Variants in UNC13C observed in about 807,000 individuals in gnomAD.
The protein encoded by UNC13C is protein unc-13 homolog C.
A neutral mutation model predicts 245.4 loss-of-function variants in UNC13C; 174 were observed. The observed-to-expected ratio is 0.71, with a 90% confidence interval of 0.63 to 0.80. UNC13C has a LOEUF of 0.80. Ranked by LOEUF, UNC13C falls within the 30% of genes least tolerant of loss-of-function variation. The pLI is 0.00. For missense variants in UNC13C, 2,829 were observed against 2,602.9 expected, an observed-to-expected ratio of 1.09 and a Z score of -1.89; for synonymous variants, 992 against 895.1, an observed-to-expected ratio of 1.11 and a Z score of -1.93.
chr15:53,898,892 A>G, the UNC13C span, among the ~76,000 whole-genome samples: 1 of 152,120 alleles, frequency 6.6e-6, no homozygotes, highest in Non-Finnish European at 1.5e-5. Flanking sequence ...GAGTCCCAGA[A>G]CTCATTCATC....
At chr15:54,107,086 A>G (rs902393803) in intron 2 of UNC13C, among the ~76,000 whole-genome samples, 2 of 152,226 alleles carry the variant, frequency 1.3e-5, no homozygotes, top group African/African-American at 4.8e-5. Flanking sequence ...TTTTGTGTAG[A>G]ACCATATCAG....
the UNC13C span, among the ~76,000 whole-genome samples, chr15:53,943,604 C>T: frequency 6.6e-6 from 1 of 152,002 alleles, no homozygotes; most frequent in South Asian, 2.1e-4. Flanking sequence ...ATAATTTTAT[C>T]CATAAAGGGC....
intron 1 of UNC13C, among the ~76,000 whole-genome samples, chr15:54,008,472 T>C (rs1213189796): frequency 6.6e-6 from 1 of 152,182 alleles, no homozygotes; most frequent in Non-Finnish European, 1.5e-5. Flanking sequence ...AACCGCATAG[T>C]CTATTGTTTT....
At chr15:54,096,995 T>C (rs1899903693) in intron 2 of UNC13C, among the ~76,000 whole-genome samples, 1 of 152,194 alleles carries the variant, frequency 6.6e-6, no homozygotes, top group Non-Finnish European at 1.5e-5. Context: ...TATATTCCCA[T>C]ATATTTCTGA....
intron 17 of UNC13C, among the ~76,000 whole-genome samples, chr15:54,387,552 C>A (rs1265075055): frequency 1.3e-5 from 2 of 152,046 alleles, no homozygotes; most frequent in East Asian, 1.9e-4. Flanking sequence ...GGGATCATAA[C>A]CCCACTGATG....
intron 10 of UNC13C, among the ~76,000 whole-genome samples, chr15:54,273,971 G>A (rs1567151603): frequency 6.6e-6 from 1 of 152,156 alleles, no homozygotes; most frequent in Non-Finnish European, 1.5e-5. Flanking sequence ...CCAACACTCT[G>A]TAGATAAATA....
intron 1 of UNC13C, among the ~76,000 whole-genome samples, chr15:53,999,263 T>C (rs1026123946): frequency 2.0e-5 from 3 of 151,874 alleles, no homozygotes; most frequent in African/African-American, 7.2e-5. Flanking sequence ...TATGTATATG[T>C]AAGATATCTA....
chr15:54,138,537 A>G (rs968118078), intron 2 of UNC13C, among the ~76,000 whole-genome samples: 1 of 152,104 alleles, frequency 6.6e-6, no homozygotes, highest in Admixed American at 6.5e-5. Context: ...ATTTTTATTT[A>G]GCCTCTAAAT....
chr15:54,130,287 A>ATTTTTTTTT (rs71824258), intron 2 of UNC13C, among the ~76,000 whole-genome samples: 5 of 81,270 alleles, frequency 6.2e-5, no homozygotes, highest in Non-Finnish European at 1.1e-4. Context: ...TAGATAATTA[A>ATTTTTTTTT]TTTTTTTTTT....
chr15:54,191,402 A>T (rs565445249), intron 4 of UNC13C, among the ~76,000 whole-genome samples: 2 of 152,288 alleles, frequency 1.3e-5, no homozygotes, highest in South Asian at 2.1e-4. Flanking sequence ...ATGGCTGCAT[A>T]GTATTCCAGG....
At chr15:53,956,616 C>CAA in the UNC13C span, among the ~76,000 whole-genome samples, 1 of 101,026 alleles carries the variant, frequency 9.9e-6, no homozygotes, top group African/African-American at 3.6e-5. Context: ...AAGGGAGAAG[C>CAA]TTGATGATTG....
At chr15:54,003,885 C>G (rs1293109113) in intron 1 of UNC13C, among the ~76,000 whole-genome samples, 1 of 152,048 alleles carries the variant, frequency 6.6e-6, no homozygotes, top group Non-Finnish European at 1.5e-5. Flanking sequence ...GTGGCAGGCA[C>G]CTGTAGTCCC....
At chr15:53,839,014 CT>C in the UNC13C span, among the ~76,000 whole-genome samples, 1 of 152,046 alleles carries the variant, frequency 6.6e-6, no homozygotes, top group Non-Finnish European at 1.5e-5. Context: ...TATTATATTA[CT>C]TTCTAAATGT....
At chr15:54,580,518 T>C (rs1898152920) in intron 30 of UNC13C, among the ~76,000 whole-genome samples, 1 of 152,244 alleles carries the variant, frequency 6.6e-6, no homozygotes, top group Non-Finnish European at 1.5e-5. Context: ...GCTCTGGTTC[T>C]GCCTGGCTGC....
At chr15:53,992,167 A>G (rs1053174419) in intron 1 of UNC13C, among the ~76,000 whole-genome samples, 4 of 152,038 alleles carry the variant, frequency 2.6e-5, no homozygotes, top group African/African-American at 9.7e-5. Flanking sequence ...TGGAGAAGGA[A>G]TGTATCCCAT....
rs2037383 is a variant in UNC13C, at chr15:54,602,717, T to G, written c.6107-19610T>G. Among the ~76,000 whole-genome samples, 1,476 of 152,224 alleles carry G rather than the reference T, an allele frequency of 9.7e-3. 23 individuals are homozygous for G. The highest frequency in any genetic ancestry group is 0.034 in the African/African-American group (1,431 of 41,524). On this transcript the variant is annotated intron_variant, in intron 30 of 32. Coordinates refer to ENST00000260323, the MANE Select transcript of UNC13C (RefSeq NM_001080534.3). ...CTTTGCCAGTCACCCCAGAAGTTCC[T>G]CCATACGTCTCATCAGTCACAGCCC...
intron 7 of UNC13C, among the ~76,000 whole-genome samples, chr15:54,246,371 T>A (rs1014956406): frequency 2.0e-5 from 3 of 151,550 alleles, no homozygotes; most frequent in African/African-American, 4.8e-5. Flanking sequence ...GCAAAAAAAA[T>A]TGCCTTCTTT....
intron 1 of UNC13C, among the ~76,000 whole-genome samples, chr15:54,002,137 A>G (rs1398213590): frequency 1.3e-5 from 2 of 152,086 alleles, no homozygotes; most frequent in Non-Finnish European, 2.9e-5. Flanking sequence ...TTACAAAAAT[A>G]TTAGCCGGCG....
chr15:54,177,646 A>T (rs2033660594), intron 4 of UNC13C, among the ~76,000 whole-genome samples: 1 of 152,124 alleles, frequency 6.6e-6, no homozygotes, highest in Non-Finnish European at 1.5e-5. Flanking sequence ...TGATAATTTA[A>T]AATGAATTTT....
Sources: allele counts gnomAD v4.1 joint callset (sites outside exome capture counted in the v4.1 genomes callset), GRCh38; gene constraint gnomAD v4.1.1; transcripts MANE v1.5; gene names NCBI Gene and HGNC (gene_info 2026-07-23, HGNC 2026-07-21).